Variants in BCAR3 observed in about 807,000 individuals in gnomAD.
BCAR3 encodes the protein BCAR3 adaptor protein, NSP family member.
Under a neutral mutation model 80.1 loss-of-function variants are expected in BCAR3, and 37 were observed. That is an observed-to-expected ratio of 0.46 (90% CI 0.36 to 0.61). The LOEUF (loss-of-function observed/expected upper bound fraction) is 0.61. Among genes scored for constraint, BCAR3 ranks in the 20% least tolerant of loss-of-function variants. BCAR3 has a pLI of 0.00. For missense variants in BCAR3, 978 were observed against 1,068.2 expected, an observed-to-expected ratio of 0.92 and a Z score of 1.18; for synonymous variants, 389 against 418.9, an observed-to-expected ratio of 0.93 and a Z score of 0.87.
At chr1:93,771,409 T>C (rs1463696259) in intron 2 of BCAR3, among the ~76,000 whole-genome samples, 1 of 152,198 alleles carries the variant, frequency 6.6e-6, no homozygotes, top group African/African-American at 2.4e-5. Context: ...GAAAAGCATC[T>C]GCTTTAGTGC....
At chr1:93,752,448 G>A (rs914919226) in intron 2 of BCAR3, among the ~76,000 whole-genome samples, 2 of 152,168 alleles carry the variant, frequency 1.3e-5, no homozygotes, top group Admixed American at 6.5e-5. Flanking sequence ...CCCACCCACG[G>A]CTGCAGACAT....
At chr1:93,830,486 G>A (rs1280076272) in intron 2 of BCAR3, among the ~76,000 whole-genome samples, 2 of 152,064 alleles carry the variant, frequency 1.3e-5, no homozygotes, top group South Asian at 4.2e-4. Flanking sequence ...TTAACTGAGC[G>A]ATTAACCTTG....
At chr1:93,708,908 G>C (rs1427296873) in intron 2 of BCAR3, among the ~76,000 whole-genome samples, 1 of 152,168 alleles carries the variant, frequency 6.6e-6, no homozygotes, top group East Asian at 1.9e-4. Context: ...GCAGTACTTA[G>C]AGCATTCAGA....
chr1:93,708,680 C>A (rs1649908378), intron 2 of BCAR3, among the ~76,000 whole-genome samples: 1 of 152,198 alleles, frequency 6.6e-6, no homozygotes, highest in African/African-American at 2.4e-5. Flanking sequence ...AATGTCACCA[C>A]CATAGAGTCC....
intron 2 of BCAR3, among the ~76,000 whole-genome samples, chr1:93,732,056 G>C (rs140566284): frequency 1.5e-3 from 236 of 152,362 alleles, no homozygotes; most frequent in African/African-American, 5.3e-3. Flanking sequence ...ACATCCAGGA[G>C]AGACTCTACT....
At chr1:93,674,572 T>C (rs781216206) in intron 2 of BCAR3, 42 bp downstream of exon 2, 1 of 1,600,728 alleles carries the variant, frequency 6.2e-7, no homozygotes, top group Non-Finnish European at 8.5e-7. Flanking sequence ...TAAAAAGCTG[T>C]TTAAGACAAA....
At chr1:93,633,468 T>C (rs1393038594) in intron 3 of BCAR3, among the ~76,000 whole-genome samples, 2 of 152,198 alleles carry the variant, frequency 1.3e-5, no homozygotes, top group Non-Finnish European at 2.9e-5. Context: ...ACATGGTATA[T>C]ACTAAAAAAT....
chr1:93,822,415 C>G (rs147860005), intron 2 of BCAR3, among the ~76,000 whole-genome samples: 234 of 151,814 alleles, frequency 1.5e-3, no homozygotes, highest in African/African-American at 5.3e-3. Flanking sequence ...TCTTGGCTCA[C>G]TGCAACCTCT....
chr1:93,643,753 A>G (rs2101911739), intron 2 of BCAR3, among the ~76,000 whole-genome samples: 1 of 152,238 alleles, frequency 6.6e-6, no homozygotes, highest in East Asian at 1.9e-4. Context: ...TGTACTGTAT[A>G]TGGGATTCAT....
At chr1:93,640,458 T>A (rs995514447) in intron 3 of BCAR3, among the ~76,000 whole-genome samples, 2 of 152,058 alleles carry the variant, frequency 1.3e-5, no homozygotes. Context: ...TACAGACACA[T>A]GATTTATAAG....
intron 2 of BCAR3, among the ~76,000 whole-genome samples, chr1:93,668,288 G>A (rs1298389829): frequency 6.6e-6 from 1 of 152,126 alleles, no homozygotes; most frequent in African/African-American, 2.4e-5. Context: ...CGTAGATCCT[G>A]GCATTTAGGT....
chr1:93,597,720 A>G (rs1321120802), intron 3 of BCAR3, among the ~76,000 whole-genome samples: 44 of 152,224 alleles, frequency 2.9e-4, no homozygotes, highest in Admixed American at 2.9e-3. Flanking sequence ...AGCAGACTTC[A>G]TGTTCAAGGT....
At position 93,785,993 on chromosome 1, in the gene BCAR3, A is replaced by C. The variant is rs921019455; in HGVS notation, c.-63+59574T>G. ...CGGATCATGAGGTCAGGAGATCAAGACCATCCTGGCTAACACGGTGAAACC... is the reference window on the plus strand; with the variant it reads ...CGGATCATGAGGTCAGGAGATCAAGCCCATCCTGGCTAACACGGTGAAACC... On this transcript the variant is annotated intron_variant, in intron 2 of 13. Transcript: ENST00000370244. Among the ~76,000 whole-genome samples, 19 of 116,486 alleles carry C rather than the reference A, an allele frequency of 1.6e-4. 2 individuals carry two copies. Among genetic ancestry groups the C allele is most frequent in the Non-Finnish European group, 2.8e-4 (17 of 60,300 alleles). 76.4% of individuals were successfully genotyped at this position (116,486 alleles called of 152,430 possible).
intron 1 of BCAR3, among the ~76,000 whole-genome samples, chr1:93,677,015 G>A (rs1282398714): frequency 1.3e-5 from 2 of 152,208 alleles, no homozygotes; most frequent in Admixed American, 6.5e-5. Flanking sequence ...AACAAGGGAT[G>A]TTAATACTTC....
intron 7 of BCAR3, among the ~76,000 whole-genome samples, chr1:93,579,950 CA>C (rs1345780737): frequency 2.0e-5 from 3 of 152,252 alleles, no homozygotes; most frequent in Non-Finnish European, 4.4e-5. Context: ...GATAACTTCG[CA>C]AATTGCGTGA....
chr1:93,792,006 A>G (rs1245104758), intron 2 of BCAR3, among the ~76,000 whole-genome samples: 1 of 3,374 alleles, frequency 3.0e-4, no homozygotes, highest in East Asian at 0.02. Context: ...TGTTCCATTG[A>G]TCTATATCTC....
intron 2 of BCAR3, among the ~76,000 whole-genome samples, chr1:93,765,564 A>G (rs576233817): frequency 5.9e-5 from 9 of 152,294 alleles, no homozygotes; most frequent in Admixed American, 2.6e-4. Flanking sequence ...ACCATTCACC[A>G]AGGCCATCCA....
At chr1:93,809,819 CTT>C (rs1444291459) in intron 2 of BCAR3, among the ~76,000 whole-genome samples, 2 of 148,418 alleles carry the variant, frequency 1.3e-5, no homozygotes, top group African/African-American at 2.5e-5. Flanking sequence ...CAATAAAGGT[CTT>C]TAACGAGGAA....
chr1:93,669,146 A>G (rs768606822), intron 2 of BCAR3, among the ~76,000 whole-genome samples: 12 of 152,156 alleles, frequency 7.9e-5, no homozygotes, highest in Non-Finnish European at 1.6e-4. Flanking sequence ...TTCGCATCGT[A>G]CATCCTTCTG....
Sources: allele counts gnomAD v4.1 joint callset (sites outside exome capture counted in the v4.1 genomes callset), GRCh38; gene constraint gnomAD v4.1.1; transcripts MANE v1.5; gene names NCBI Gene and HGNC (gene_info 2026-07-23, HGNC 2026-07-21).